The following NR3C2 variants were observed in gnomAD, a reference collection of about 807,000 sequenced individuals.
NR3C2 encodes nuclear receptor subfamily 3 group C member 2, also known as mineralocorticoid receptor.
In NR3C2, 15 loss-of-function variants were observed where a neutral mutation model predicts 86.4. The observed-to-expected ratio is 0.17, with a 90% CI of 0.12 to 0.27. The LOEUF (loss-of-function observed/expected upper bound fraction) is 0.27, where lower values mean the gene tolerates loss of function less well. Among genes scored for constraint, NR3C2 ranks in the 10% least tolerant of loss-of-function variants. The probability of loss-of-function intolerance (pLI) is 1.00; values close to 1 mark genes in which losing one functional copy is unlikely to be tolerated. For missense variants in NR3C2, 960 were observed against 1,195.6 expected (o/e 0.80, Z 2.91); for synonymous variants, 458 against 450.5 (o/e 1.02, Z -0.21).
intron 2 of NR3C2, among the ~76,000 whole-genome samples, chr4:148,423,853 T>C (rs1749399635): frequency 6.6e-6 from 1 of 152,070 alleles, no homozygotes; most frequent in Admixed American, 6.5e-5. Context: ...GGATTACAGT[T>C]GCACGCCACT....
At chr4:148,172,701 C>G (rs1417121652) in intron 4 of NR3C2, among the ~76,000 whole-genome samples, 5 of 152,164 alleles carry the variant, frequency 3.3e-5, no homozygotes, top group Non-Finnish European at 4.4e-5. Flanking sequence ...TATTAAGCAT[C>G]TACTGTGCTA....
chr4:148,335,607 A>C (rs1744447159), intron 2 of NR3C2, among the ~76,000 whole-genome samples: 1 of 152,148 alleles, frequency 6.6e-6, no homozygotes, highest in African/African-American at 2.4e-5. Flanking sequence ...GTAATATTAG[A>C]ATTGCTTGAA....
At chr4:148,249,173 G>C (rs1222183058) in intron 3 of NR3C2, among the ~76,000 whole-genome samples, 1 of 152,042 alleles carries the variant, frequency 6.6e-6, no homozygotes, top group African/African-American at 2.4e-5. Flanking sequence ...CTAGTAAATG[G>C]TCAGTACGGC....
chr4:148,339,085 T>C (rs1341361232), intron 2 of NR3C2, among the ~76,000 whole-genome samples: 1 of 152,208 alleles, frequency 6.6e-6, no homozygotes, highest in African/African-American at 2.4e-5. Flanking sequence ...TGGAAGTTGA[T>C]TTAGAGAATG....
intron 6 of NR3C2, among the ~76,000 whole-genome samples, chr4:148,139,127 T>C (rs867664862): frequency 2.6e-5 from 4 of 152,188 alleles, no homozygotes; most frequent in Admixed American, 6.5e-5. Flanking sequence ...CAAATGATGA[T>C]TGGTTAGAGT....
At chr4:148,320,792 C>T (rs1017897321) in intron 2 of NR3C2, among the ~76,000 whole-genome samples, 14 of 150,806 alleles carry the variant, frequency 9.3e-5, no homozygotes, top group Non-Finnish European at 1.6e-4. Flanking sequence ...GTCTTGCTAG[C>T]GGTCTATCAA....
intron 6 of NR3C2, among the ~76,000 whole-genome samples, chr4:148,145,648 G>A (rs955893378): frequency 1.3e-5 from 2 of 152,204 alleles, no homozygotes; most frequent in Non-Finnish European, 2.9e-5. Context: ...GCCACAGTGA[G>A]ACCGGCAGCA....
rs73853789 is a variant in NR3C2, at chr4:148,184,104, C to T, written c.2014+10642G>A. On this transcript the variant is annotated intron_variant, in intron 4 of 8. Coordinates refer to ENST00000358102, the MANE Select transcript of NR3C2 (RefSeq NM_000901.5). Reference sequence around the variant, plus strand: ...GTCAACTGTGCAGACATTAAGAAATCCTGTTTTAAGTTACTGACTGAGTTA... The same window carrying T: ...GTCAACTGTGCAGACATTAAGAAATTCTGTTTTAAGTTACTGACTGAGTTA... Among the ~76,000 whole-genome samples, 825 of 152,080 alleles carry T rather than the reference C, an allele frequency of 5.4e-3. 8 individuals are homozygous for T. Among genetic ancestry groups the T allele is most frequent in the African/African-American group, 0.019 (780 of 41,474 alleles).
chr4:148,419,474 G>A (rs955952620), intron 2 of NR3C2, among the ~76,000 whole-genome samples: 2 of 152,118 alleles, frequency 1.3e-5, no homozygotes, highest in Non-Finnish European at 2.9e-5. Flanking sequence ...ATCGAGAATG[G>A]CACAGGCCCT....
intron 2 of NR3C2, among the ~76,000 whole-genome samples, chr4:148,303,850 A>T (rs1243043569): frequency 1.3e-5 from 2 of 152,220 alleles, no homozygotes; most frequent in Non-Finnish European, 2.9e-5. Flanking sequence ...ACACCAGGGA[A>T]GACAGGGCAT....
At chr4:148,317,890 T>C (rs187879471) in intron 2 of NR3C2, among the ~76,000 whole-genome samples, 5 of 152,214 alleles carry the variant, frequency 3.3e-5, no homozygotes, top group African/African-American at 1.2e-4. Flanking sequence ...TTTTTTTTAT[T>C]ATACTTTAAG....
chr4:148,272,823 C>T (rs1049052974), intron 2 of NR3C2, among the ~76,000 whole-genome samples: 1 of 152,050 alleles, frequency 6.6e-6, no homozygotes, highest in African/African-American at 2.4e-5. Context: ...TCAAAGCAAA[C>T]ATGATATTGT....
rs148155563 is a variant in NR3C2, at chr4:148,390,030, T to C, written c.1757+45074A>G. On this transcript the variant is annotated intron_variant, in intron 2 of 8. Coordinates refer to ENST00000358102, the MANE Select transcript of NR3C2 (RefSeq NM_000901.5). ...GACTGATAGGAATATGATAAAAGGA[T>C]AAAACATAGACTGGAGAGGGACACA... is the stretch of plus-strand genomic sequence containing the variant. 3.5e-3 allele frequency among the ~76,000 whole-genome samples: 535 copies of C among 151,202 alleles called. 1 individual carries two copies. Among genetic ancestry groups the C allele is most frequent in the Middle Eastern group, 0.014 (4 of 292 alleles).
chr4:148,120,818 A>T (rs1258181214), intron 6 of NR3C2, among the ~76,000 whole-genome samples: 3 of 152,246 alleles, frequency 2.0e-5, no homozygotes, highest in Non-Finnish European at 2.9e-5. Context: ...AAGGGAAATT[A>T]AAAAATACTT....
chr4:148,280,512 C>A (rs534535664), intron 2 of NR3C2, among the ~76,000 whole-genome samples: 97 of 151,902 alleles, frequency 6.4e-4, no homozygotes, highest in African/African-American at 2.3e-3. Context: ...AATTCTCTTA[C>A]TTTTGAGACA....
intron 2 of NR3C2, among the ~76,000 whole-genome samples, chr4:148,276,002 C>G (rs748826613): frequency 1.3e-5 from 2 of 152,006 alleles, no homozygotes; most frequent in Non-Finnish European, 1.5e-5. Flanking sequence ...TTACAAAATT[C>G]CATAGTACTA....
At chr4:148,177,567 T>TA (rs984952762) in intron 4 of NR3C2, among the ~76,000 whole-genome samples, 47 of 152,212 alleles carry the variant, frequency 3.1e-4, no homozygotes, top group African/African-American at 1.1e-3. Flanking sequence ...GATTTGCAAA[T>TA]AAAAAAACAT....
rs765814176 is a variant in NR3C2, at chr4:148,163,896, T to C, written c.2015-8995A>G. On this transcript the variant is annotated intron_variant, in intron 4 of 8. Coordinates refer to ENST00000358102, the MANE Select transcript of NR3C2 (RefSeq NM_000901.5). Reference sequence around the variant, plus strand: ...AACTATAAGTAGCATTAGAGGGAAGTGACTTATTGTAATGACATGAAAAAC... The same window carrying C: ...AACTATAAGTAGCATTAGAGGGAAGCGACTTATTGTAATGACATGAAAAAC... Among the ~76,000 whole-genome samples the C allele has an allele frequency of 2.2e-3, 333 of 152,320 alleles. 3 individuals are homozygous for C. The highest frequency in any genetic ancestry group is 6.0e-4 in the Non-Finnish European group (41 of 68,026).
chr4:148,088,486 A>C (rs1268253660), intron 8 of NR3C2, among the ~76,000 whole-genome samples: 2 of 152,180 alleles, frequency 1.3e-5, no homozygotes, highest in African/African-American at 2.4e-5. Context: ...CAGTGATAGA[A>C]TGGATAAAGA....
Sources: allele counts gnomAD v4.1 joint callset (sites outside exome capture counted in the v4.1 genomes callset), GRCh38; gene constraint gnomAD v4.1.1; transcripts MANE v1.5; gene names NCBI Gene and HGNC (gene_info 2026-07-23, HGNC 2026-07-21).